The following CNTNAP2 variants were observed in gnomAD, a reference collection of about 807,000 sequenced individuals.
CNTNAP2 encodes contactin-associated protein-like 2.
Under a neutral mutation model 155.2 loss-of-function variants are expected in CNTNAP2, and 98 were observed. The ratio of observed to expected loss-of-function variants is 0.63; its 90% CI spans 0.54 to 0.75. The LOEUF is 0.75. Among genes scored for constraint, CNTNAP2 ranks in the 30% least tolerant of loss-of-function variants. CNTNAP2 has a pLI of 0.00. For missense variants in CNTNAP2, 1,727 were observed against 1,688.1 expected (o/e 1.02, Z -0.40); for synonymous variants, 651 against 631.2 (o/e 1.03, Z -0.47).
intron 13 of CNTNAP2, among the ~76,000 whole-genome samples, chr7:147,701,337 A>G (rs1052612324): frequency 6.6e-6 from 1 of 152,180 alleles, no homozygotes; most frequent in Non-Finnish European, 1.5e-5. Context: ...GCCTGTCATT[A>G]CTGATAACTG....
intron 13 of CNTNAP2, among the ~76,000 whole-genome samples, chr7:147,827,005 A>G (rs1798463429): frequency 7.0e-6 from 1 of 143,594 alleles, no homozygotes; most frequent in African/African-American, 2.6e-5. Flanking sequence ...ATCTCGGCTC[A>G]CTGCAAGCTC....
chr7:147,443,545 G>A (rs1797679669), intron 10 of CNTNAP2, among the ~76,000 whole-genome samples: 1 of 152,114 alleles, frequency 6.6e-6, no homozygotes, highest in South Asian at 2.1e-4. Context: ...TGGTCCTTAG[G>A]AAAGTGCTTC....
chr7:146,971,469 C>G (rs138146477), intron 3 of CNTNAP2, among the ~76,000 whole-genome samples: 4 of 152,142 alleles, frequency 2.6e-5, no homozygotes, highest in African/African-American at 7.2e-5. Context: ...GAAGGGTTAT[C>G]TAAGTCTATT....
At chr7:147,920,735 G>A (rs1255250166) in intron 14 of CNTNAP2, among the ~76,000 whole-genome samples, 1 of 151,222 alleles carries the variant, frequency 6.6e-6, no homozygotes, top group African/African-American at 2.4e-5. Flanking sequence ...CCTGCTGAAA[G>A]ACAGATTTAA....
chr7:147,484,780 C>T (rs900508142), intron 10 of CNTNAP2, among the ~76,000 whole-genome samples: 3 of 152,170 alleles, frequency 2.0e-5, no homozygotes, highest in Non-Finnish European at 4.4e-5. Context: ...CAGGGAGCTG[C>T]TAGGGCATTA....
rs1175867848 is a variant in CNTNAP2, at chr7:146,643,968, T to C, written c.98-130303T>C. 3.9e-5 allele frequency among the ~76,000 whole-genome samples: 6 copies of C among 152,280 alleles called. No homozygotes were observed. The East Asian group carries it at 9.7e-4, about 25-fold the overall frequency. ...CATGATTTAGCTCTCTGTTGGTCTG[T>C]TATTGGTGTATAAGAAAGCTTGTGA... On this transcript the variant is annotated intron_variant, in intron 1 of 23. Coordinates refer to ENST00000361727, the MANE Select transcript of CNTNAP2 (RefSeq NM_014141.6).
At chr7:147,815,552 G>A (rs1798251170) in intron 13 of CNTNAP2, among the ~76,000 whole-genome samples, 1 of 152,082 alleles carries the variant, frequency 6.6e-6, no homozygotes, top group South Asian at 2.1e-4. Flanking sequence ...CTTCAAGCCA[G>A]AGAACACTCT....
At chr7:147,199,820 A>G (rs1038790067) in intron 8 of CNTNAP2, among the ~76,000 whole-genome samples, 1 of 137,502 alleles carries the variant, frequency 7.3e-6, no homozygotes, top group Non-Finnish European at 1.6e-5. Context: ...TTAGTTCCCG[A>G]TTTTCTTTTC....
At chr7:147,848,570 G>T (rs537457490) in intron 13 of CNTNAP2, among the ~76,000 whole-genome samples, 1 of 151,810 alleles carries the variant, frequency 6.6e-6, no homozygotes, top group Non-Finnish European at 1.5e-5. Context: ...CGTCACTCAC[G>T]CTGGGAGCTG....
intron 5 of CNTNAP2, among the ~76,000 whole-genome samples, chr7:147,112,877 G>C (rs1160909631): frequency 1.3e-5 from 2 of 151,984 alleles, no homozygotes; most frequent in Admixed American, 1.3e-4. Flanking sequence ...CCAGGTTTTG[G>C]TACCAGGATG....
chr7:147,695,357 A>G (rs1441462757), intron 13 of CNTNAP2, among the ~76,000 whole-genome samples: 1 of 152,038 alleles, frequency 6.6e-6, no homozygotes, highest in Admixed American at 6.6e-5. Context: ...TACCTAGATG[A>G]TCTAGTGTTT....
chr7:147,798,237 T>A (rs1474873017), intron 13 of CNTNAP2, among the ~76,000 whole-genome samples: 2 of 152,168 alleles, frequency 1.3e-5, no homozygotes, highest in African/African-American at 4.8e-5. Flanking sequence ...TTCAGCAATA[T>A]AATTACATCA....
chr7:148,178,496 T>A (rs1180670394), intron 18 of CNTNAP2, among the ~76,000 whole-genome samples: 1 of 152,210 alleles, frequency 6.6e-6, no homozygotes, highest in Non-Finnish European at 1.5e-5. Flanking sequence ...CTAAGTCTCC[T>A]ATTCTCCCTA....
At chr7:147,964,824 C>A (rs1801177974) in intron 14 of CNTNAP2, among the ~76,000 whole-genome samples, 1 of 152,104 alleles carries the variant, frequency 6.6e-6, no homozygotes, top group South Asian at 2.1e-4. Context: ...ATAGAGATGA[C>A]CTTGTTTATT....
chr7:146,961,912 G>A (rs752571064), intron 3 of CNTNAP2, among the ~76,000 whole-genome samples: 28 of 152,134 alleles, frequency 1.8e-4, no homozygotes, highest in Non-Finnish European at 3.2e-4. Context: ...ATGTGCTACA[G>A]ACTTGGAGTG....
intron 13 of CNTNAP2, among the ~76,000 whole-genome samples, chr7:147,739,945 A>G (rs550260450): frequency 6.6e-6 from 1 of 152,288 alleles, no homozygotes; most frequent in African/African-American, 2.4e-5. Flanking sequence ...AATCTACCAC[A>G]TTGCCCAAGG....
At position 146,677,079 on chromosome 7, in the gene CNTNAP2, T is replaced by C. The variant is rs563882641; in HGVS notation, c.98-97192T>C. ...AAGGTGGTTGGGCTACAACTTGGTTTTATACATTTAGGGAGACATGAGACA... is the reference window on the plus strand; with the variant it reads ...AAGGTGGTTGGGCTACAACTTGGTTCTATACATTTAGGGAGACATGAGACA... On this transcript the variant is annotated intron_variant, in intron 1 of 23. Coordinates refer to ENST00000361727, the MANE Select transcript of CNTNAP2 (RefSeq NM_014141.6). 1.4e-4 allele frequency among the ~76,000 whole-genome samples: 22 copies of C among 152,312 alleles called. 1 individual carries two copies. Among genetic ancestry groups the C allele is most frequent in the African/African-American group, 5.3e-4 (22 of 41,586 alleles).
At chr7:146,447,070 T>C (rs555727274) in intron 1 of CNTNAP2, among the ~76,000 whole-genome samples, 1 of 152,186 alleles carries the variant, frequency 6.6e-6, no homozygotes, top group African/African-American at 2.4e-5. Context: ...AGGAAGGCAC[T>C]GGTCAGCTTG....
chr7:146,122,282 AAGAGCCTT>A (rs1375835682), intron 1 of CNTNAP2, among the ~76,000 whole-genome samples: 2 of 152,350 alleles, frequency 1.3e-5, no homozygotes, highest in South Asian at 4.1e-4. Context: ...TGATAGCGCG[AAGAGCCTT>A]ATGGTGTTCG....
Sources: allele counts gnomAD v4.1 joint callset (sites outside exome capture counted in the v4.1 genomes callset), GRCh38; gene constraint gnomAD v4.1.1; transcripts MANE v1.5; gene names NCBI Gene and HGNC (gene_info 2026-07-23, HGNC 2026-07-21).